The following PAK5 variants were observed in gnomAD, a reference collection of about 807,000 sequenced individuals.
PAK5 encodes the protein serine/threonine-protein kinase PAK 5.
In PAK5, 16 loss-of-function variants were observed where a neutral mutation model predicts 65.9. The ratio of observed to expected loss-of-function variants is 0.24; its 90% confidence interval spans 0.16 to 0.37. The LOEUF (loss-of-function observed/expected upper bound fraction) is 0.37, where lower values mean the gene tolerates loss of function less well. Among genes scored for constraint, PAK5 ranks in the 10% least tolerant of loss-of-function variants. The pLI, the probability that PAK5 is intolerant of heterozygous loss-of-function variation, is 1.00. For synonymous variants in PAK5, 371 were observed against 354.9 expected (o/e 1.05, Z -0.51); for missense variants, 785 against 903.9 (o/e 0.87, Z 1.69).
chr20:9,613,733 T>G (rs1233617983), intron 3 of PAK5, among the ~76,000 whole-genome samples: 2 of 151,996 alleles, frequency 1.3e-5, no homozygotes, highest in Non-Finnish European at 2.9e-5. Context: ...CAACTCCATT[T>G]CCCCCTAGCC....
intron 3 of PAK5, among the ~76,000 whole-genome samples, chr20:9,631,345 T>C (rs1452459228): frequency 6.6e-6 from 1 of 152,104 alleles, no homozygotes; most frequent in Admixed American, 6.5e-5. Flanking sequence ...ACTCTCATGG[T>C]TAACTTACAT....
chr20:9,783,226 G>A (rs956574062), intron 1 of PAK5, among the ~76,000 whole-genome samples: 10 of 152,030 alleles, frequency 6.6e-5, no homozygotes, highest in African/African-American at 1.9e-4. Flanking sequence ...GTGAGCCACC[G>A]CACCCAGCCA....
At chr20:9,717,556 T>C (rs1338655878) in intron 1 of PAK5, among the ~76,000 whole-genome samples, 1 of 152,224 alleles carries the variant, frequency 6.6e-6, no homozygotes, top group African/African-American at 2.4e-5. Flanking sequence ...ATCCTAAATG[T>C]CCTAGCTAAG....
chr20:9,564,783 A>G (rs2045647005), intron 5 of PAK5, among the ~76,000 whole-genome samples: 1 of 152,194 alleles, frequency 6.6e-6, no homozygotes, highest in Non-Finnish European at 1.5e-5. Context: ...AGTATAAATC[A>G]GAAACTGGTT....
chr20:9,677,044 CATGT>C (rs1316413618), intron 2 of PAK5, among the ~76,000 whole-genome samples: 2 of 78,664 alleles, frequency 2.5e-5, no homozygotes, highest in African/African-American at 1.1e-4. Context: ...AGGGTATGTG[CATGT>C]GTGTGTGTGT....
At chr20:9,776,192 C>T (rs2048885388) in intron 1 of PAK5, among the ~76,000 whole-genome samples, 1 of 152,114 alleles carries the variant, frequency 6.6e-6, no homozygotes, top group African/African-American at 2.4e-5. Flanking sequence ...GAAACTGAGG[C>T]TCATAGAAAC....
chr20:9,640,924 G>T (rs1162475062), intron 3 of PAK5, among the ~76,000 whole-genome samples: 1 of 152,168 alleles, frequency 6.6e-6, no homozygotes, highest in South Asian at 2.1e-4. Context: ...AAGATTTATT[G>T]CAAAGAGCGA....
chr20:9,541,934 G>C (rs933094668), intron 9 of PAK5, among the ~76,000 whole-genome samples: 1 of 152,070 alleles, frequency 6.6e-6, no homozygotes, highest in Non-Finnish European at 1.5e-5. Context: ...CTTCCCCTTC[G>C]CCTTCTGCCA....
chr20:9,666,011 T>A (rs190756384), intron 2 of PAK5, among the ~76,000 whole-genome samples: 164 of 152,268 alleles, frequency 1.1e-3, no homozygotes, highest in African/African-American at 3.6e-3. Flanking sequence ...ATGTATAGGA[T>A]GTTGTAAGAC....
intron 3 of PAK5, among the ~76,000 whole-genome samples, chr20:9,597,013 T>C (rs145658281): frequency 3.9e-5 from 6 of 152,300 alleles, no homozygotes; most frequent in African/African-American, 1.4e-4. Context: ...AAAGAATAGA[T>C]TGTGTTCCCT....
At chr20:9,778,814 A>G (rs1249809994) in intron 1 of PAK5, among the ~76,000 whole-genome samples, 1 of 152,168 alleles carries the variant, frequency 6.6e-6, no homozygotes, top group Non-Finnish European at 1.5e-5. Context: ...GCATAGTTTA[A>G]TAAATAATTA....
At chr20:9,563,838 G>A (rs118060214) in intron 5 of PAK5, among the ~76,000 whole-genome samples, 116 of 152,330 alleles carry the variant, frequency 7.6e-4, no homozygotes, top group Admixed American at 1.3e-3. Context: ...GAGATTTGGA[G>A]CGTGTGTAAG....
At chr20:9,561,251 T>G (rs73243540) in intron 6 of PAK5, among the ~76,000 whole-genome samples, 1,854 of 152,222 alleles carry the variant, frequency 0.012, 34 homozygotes, top group African/African-American at 0.041. Flanking sequence ...GTGGTTTCCA[T>G]GGATACAAAA....
chr20:9,670,701 A>C (rs1167822249), intron 2 of PAK5, among the ~76,000 whole-genome samples: 4 of 152,060 alleles, frequency 2.6e-5, no homozygotes, highest in Admixed American at 2.0e-4. Flanking sequence ...AGGTTGCAAA[A>C]ATTTTCTCCC....
intron 2 of PAK5, among the ~76,000 whole-genome samples, chr20:9,674,340 C>T (rs2047540123): frequency 1.3e-5 from 2 of 152,074 alleles, no homozygotes; most frequent in South Asian, 4.2e-4. Flanking sequence ...GGAATTGAAC[C>T]CTCTCCCTGC....
rs150927543 is a variant in PAK5 at position 9,836,638 on chromosome 20, C to G, written c.-162+2124G>C. ...TAAATTTCTGTGGTTTTAAGCCACC[C>G]AGTTTTTGGTAACTTGTTATAACTG... On this transcript the variant is annotated intron_variant, in intron 1 of 9. Transcript: ENST00000353224. Among the ~76,000 whole-genome samples, 15 of 152,228 alleles carry G rather than the reference C, an allele frequency of 9.9e-5. No individual in the cohort carries two copies. The East Asian group carries it at 2.9e-3, about 29-fold the overall frequency.
intron 2 of PAK5, among the ~76,000 whole-genome samples, chr20:9,677,239 C>T (rs1288685403): frequency 1.3e-4 from 20 of 152,250 alleles, no homozygotes; most frequent in African/African-American, 4.8e-4. Flanking sequence ...ATCTCTCTTC[C>T]AACAAATCTA....
At chr20:9,789,043 G>A (rs928646192) in intron 1 of PAK5, among the ~76,000 whole-genome samples, 7 of 152,166 alleles carry the variant, frequency 4.6e-5, no homozygotes, top group African/African-American at 1.2e-4. Context: ...TCCACTGGAA[G>A]GTGTGAAGAG....
intron 8 of PAK5, 136 bp from the exon 9 acceptor site, chr20:9,542,856 A>G (rs1279305544): frequency 3.1e-5 from 24 of 786,294 alleles, no homozygotes; most frequent in East Asian, 2.6e-5. Flanking sequence ...ATAGATTTAT[A>G]GGCTAAACTG....
Sources: allele counts gnomAD v4.1 joint callset (sites outside exome capture counted in the v4.1 genomes callset), GRCh38; gene constraint gnomAD v4.1.1; transcripts MANE v1.5; gene names NCBI Gene and HGNC (gene_info 2026-07-23, HGNC 2026-07-21).